The following EXOC2 variants were observed in gnomAD, a reference collection of about 807,000 sequenced individuals.
EXOC2 encodes the protein SEC5-like 1.
A neutral mutation model predicts 131.8 loss-of-function variants in EXOC2; 70 were observed. The ratio of observed to expected loss-of-function variants is 0.53; its 90% CI spans 0.44 to 0.65. EXOC2 has a LOEUF of 0.65. EXOC2 is among the 30% of genes least tolerant of loss of function. The pLI is 0.00. For synonymous variants in EXOC2, 411 were observed against 398.4 expected (o/e 1.03, Z -0.38); for missense variants, 923 against 1,108.6 (o/e 0.83, Z 2.38).
intron 3 of EXOC2, among the ~76,000 whole-genome samples, chr6:630,853 G>A (rs562186001): frequency 6.6e-6 from 1 of 152,184 alleles, no homozygotes; most frequent in Non-Finnish European, 1.5e-5. Context: ...TTCAAGGAAC[G>A]CATGGCTTGT....
At chr6:575,144 G>A (rs898561366) in intron 12 of EXOC2, among the ~76,000 whole-genome samples, 1 of 152,218 alleles carries the variant, frequency 6.6e-6, no homozygotes, top group Non-Finnish European at 1.5e-5. Flanking sequence ...TAATGAGTGA[G>A]TTCTTGCTCT....
chr6:681,966 G>C (rs970001805), intron 1 of EXOC2, among the ~76,000 whole-genome samples: 1 of 152,346 alleles, frequency 6.6e-6, no homozygotes. Context: ...AGCTAAGGTA[G>C]AAATGGAGGG....
intron 23 of EXOC2, among the ~76,000 whole-genome samples, chr6:503,786 G>A (rs544662024): frequency 5.3e-5 from 8 of 152,196 alleles, no homozygotes; most frequent in African/African-American, 1.2e-4. Flanking sequence ...TCAGAATTTC[G>A]CTTCCTTTCT....
intron 6 of EXOC2, among the ~76,000 whole-genome samples, chr6:616,242 A>G (rs551558119): frequency 1.2e-4 from 19 of 152,330 alleles, no homozygotes; most frequent in Admixed American, 9.1e-4. Context: ...CATAAGGCAC[A>G]CATATTTATC....
intron 1 of EXOC2, among the ~76,000 whole-genome samples, chr6:664,399 T>C (rs114831578): frequency 0.04 from 5,922 of 148,680 alleles, 179 homozygotes; most frequent in African/African-American, 0.085. Flanking sequence ...TTCCATGCAA[T>C]CCTACCACCA....
At chr6:522,429 G>T (rs1220234628) in intron 23 of EXOC2, among the ~76,000 whole-genome samples, 1 of 148,748 alleles carries the variant, frequency 6.7e-6, no homozygotes, top group African/African-American at 2.5e-5. Flanking sequence ...TGAAATGATG[G>T]GGACAGCAAG....
In EXOC2 at chr6:497,477, A is replaced by G; in HGVS notation, c.2449T>C (p.Ser817Pro). 1 of 1,611,174 alleles carries G rather than the reference A, an allele frequency of 6.2e-7. No homozygotes were observed. The highest frequency in any genetic ancestry group is 8.5e-7 in the Non-Finnish European group (1 of 1,178,784). The change falls in exon 25 of 28, where the codon TCC becomes CCC. Residue 817 changes from serine (S) to proline (P), a missense_variant. Transcript: ENST00000230449. ...IAVHAEVFTI[S>P]KELVPRVLSK... ...AGTACCCGAGGGACCAGTTCTTTGG[A>G]AATGGTGAACACCTGGTTTGAAATA... is the stretch of plus-strand genomic sequence containing the variant.
At chr6:626,019 A>G (rs898434424) in intron 4 of EXOC2, among the ~76,000 whole-genome samples, 6 of 152,248 alleles carry the variant, frequency 3.9e-5, no homozygotes, top group Admixed American at 3.3e-4. Flanking sequence ...CTTACTTAAC[A>G]TGAACCTGTT....
chr6:627,369 A>C lies in EXOC2; in HGVS notation c.422+2466T>G, dbSNP rs187585089. ...TTTTCTTGCTTCCTGGAATCTCTACATCTAGCCTCTCTTTCTTTTGAAAGT... is the reference window on the plus strand; with the variant it reads ...TTTTCTTGCTTCCTGGAATCTCTACCTCTAGCCTCTCTTTCTTTTGAAAGT... On this transcript the variant is annotated intron_variant, in intron 4 of 27. Transcript: ENST00000230449. Among the ~76,000 whole-genome samples the C allele has an allele frequency of 3.3e-5, 5 of 152,034 alleles. No individual in the cohort carries two copies. The East Asian group carries it at 9.7e-4, about 29-fold the overall frequency.
At chr6:587,995 C>T (rs1483687702) in intron 11 of EXOC2, among the ~76,000 whole-genome samples, 3 of 152,138 alleles carry the variant, frequency 2.0e-5, no homozygotes, top group South Asian at 4.1e-4. Flanking sequence ...GTAAGACTGG[C>T]TATGAGCTGA....
At chr6:658,063 C>T (rs1188789207) in intron 1 of EXOC2, among the ~76,000 whole-genome samples, 1 of 152,086 alleles carries the variant, frequency 6.6e-6, no homozygotes, top group African/African-American at 2.4e-5. Flanking sequence ...TTAATGTTAT[C>T]TGTTTTTATG....
chr6:692,805 C>G (rs6936164), intron 1 of EXOC2, among the ~76,000 whole-genome samples: 90,694 of 149,342 alleles, frequency 0.61, 29,068 homozygotes, highest in East Asian at 0.82. Context: ...GGGGTGGGCG[C>G]GGAGCCCAGC....
chr6:653,471 T>A (rs1000904900), intron 1 of EXOC2, among the ~76,000 whole-genome samples: 3 of 152,182 alleles, frequency 2.0e-5, no homozygotes, highest in Non-Finnish European at 4.4e-5. Context: ...TGATCTAGAT[T>A]GAAGATAAAC....
At chr6:546,566 G>A (rs765208551) in intron 22 of EXOC2, among the ~76,000 whole-genome samples, 3 of 152,106 alleles carry the variant, frequency 2.0e-5, no homozygotes, top group East Asian at 1.9e-4. Context: ...TTCTGCCTCC[G>A]CCACCCCTGA....
intron 13 of EXOC2, among the ~76,000 whole-genome samples, chr6:571,965 T>G (rs1346290088): frequency 6.6e-6 from 1 of 152,234 alleles, no homozygotes; most frequent in Non-Finnish European, 1.5e-5. Context: ...ATCAGTCATA[T>G]GATGATGAAG....
At chr6:593,722 G>C (rs918664285) in intron 10 of EXOC2, among the ~76,000 whole-genome samples, 4 of 152,206 alleles carry the variant, frequency 2.6e-5, no homozygotes, top group Admixed American at 6.5e-5. Context: ...CTCTGGGTTA[G>C]AGGTTTTTGT....
At chr6:591,327 C>T (rs113685207) in intron 11 of EXOC2, among the ~76,000 whole-genome samples, 1,767 of 152,296 alleles carry the variant, frequency 0.012, 36 homozygotes, top group African/African-American at 0.04. Flanking sequence ...AAGTCCAAAC[C>T]TGTCACAGCA....
intron 10 of EXOC2, among the ~76,000 whole-genome samples, chr6:594,840 A>T (rs1449227105): frequency 6.6e-6 from 1 of 152,222 alleles, no homozygotes; most frequent in Non-Finnish European, 1.5e-5. Flanking sequence ...TTCAGTATGC[A>T]GCTAAAAATA....
intron 11 of EXOC2, among the ~76,000 whole-genome samples, chr6:587,506 A>G (rs191000122): frequency 0.02 from 3,103 of 152,304 alleles, 33 homozygotes; most frequent in Middle Eastern, 0.031. Flanking sequence ...AGCCTCCCAA[A>G]GTGCTGGGAT....
Sources: gnomAD v4.1 joint callset for allele counts (sites outside exome capture counted in the v4.1 genomes callset) on GRCh38, gnomAD v4.1.1 for gene constraint, MANE v1.5 for transcripts, NCBI Gene and HGNC (gene_info 2026-07-23, HGNC 2026-07-21) for gene names.